GABRG3: variants seen among roughly 807,000 people sequenced by gnomAD.
The protein encoded by GABRG3 is gamma-aminobutyric acid type A receptor subunit gamma3, also known as gamma-aminobutyric acid receptor subunit gamma-3.
Under a neutral mutation model 48.8 loss-of-function variants are expected in GABRG3, and 25 were observed. That is an observed-to-expected ratio of 0.51 (90% confidence interval 0.37 to 0.72). The LOEUF is 0.72. GABRG3 is among the 30% of genes least tolerant of loss of function. GABRG3 has a pLI of 0.00. For synonymous variants in GABRG3, 227 were observed against 217.6 expected (o/e 1.04, Z -0.38); for missense variants, 394 against 577.9 (o/e 0.68, Z 3.26).
intron 1 of GABRG3, among the ~76,000 whole-genome samples, chr15:26,972,664 A>G (rs1894868847): frequency 6.6e-6 from 1 of 152,182 alleles, no homozygotes; most frequent in African/African-American, 2.4e-5. Context: ...ATCAGGAGGC[A>G]ATGCCAGGAG....
intron 2 of GABRG3, among the ~76,000 whole-genome samples, chr15:27,011,123 T>C (rs1895678129): frequency 6.6e-6 from 1 of 152,138 alleles, no homozygotes; most frequent in South Asian, 2.1e-4. Context: ...CGCCTCGGCC[T>C]CCCAAAGTGC....
chr15:27,428,369 A>G (rs1238093507), intron 5 of GABRG3: 1 of 152,144 alleles, frequency 6.6e-6, no homozygotes, highest in Non-Finnish European at 1.5e-5. Context: ...TTCACACCAG[A>G]GATATATCGC....
chr15:27,356,943 G>A (rs1894861201), intron 5 of GABRG3, among the ~76,000 whole-genome samples: 1 of 152,106 alleles, frequency 6.6e-6, no homozygotes, highest in Non-Finnish European at 1.5e-5. Context: ...TCTAGGTGAT[G>A]TTCATTCTAT....
At chr15:27,020,047 C>T (rs940583431) in intron 2 of GABRG3, among the ~76,000 whole-genome samples, 5 of 152,162 alleles carry the variant, frequency 3.3e-5, no homozygotes, top group African/African-American at 1.2e-4. Context: ...CTATTTACTG[C>T]GTTAACAGCC....
intron 2 of GABRG3, among the ~76,000 whole-genome samples, chr15:26,998,995 T>C (rs1177186940): frequency 6.6e-6 from 1 of 152,152 alleles, no homozygotes; most frequent in Non-Finnish European, 1.5e-5. Flanking sequence ...ATTTTGCCAT[T>C]CTGGAATTCC....
At chr15:27,164,868 G>A in intron 3 of GABRG3, among the ~76,000 whole-genome samples, 1 of 152,186 alleles carries the variant, frequency 6.6e-6, no homozygotes, top group East Asian at 1.9e-4. Flanking sequence ...TACAAAATAA[G>A]GAAGTGATAT....
chr15:27,537,932 C>A lies in GABRG3; in HGVS notation c.*5051C>A, dbSNP rs540544571. 1 of 151,890 alleles carries A rather than the reference C, an allele frequency of 6.6e-6. No individual in the cohort carries two copies. 9.4% of individuals were successfully genotyped at this position (151,890 alleles called of 1,614,324 possible). ...TCGGCTCACTGCAACCTCCACCTCC[C>A]GGGTTCAAGCAATTCTCTTGCCTCA... On this transcript the variant is annotated 3_prime_UTR_variant, in exon 10 of 10. Coordinates refer to ENST00000615808, the MANE Select transcript of GABRG3 (RefSeq NM_033223.5).
intron 5 of GABRG3, among the ~76,000 whole-genome samples, chr15:27,415,435 C>T (rs576905649): frequency 9.9e-5 from 15 of 152,118 alleles, no homozygotes; most frequent in South Asian, 6.2e-4. Context: ...TCTGTTCTTG[C>T]GTGTTGTCTA....
chr15:27,221,180 G>C (rs1889442501), intron 3 of GABRG3, among the ~76,000 whole-genome samples: 1 of 152,106 alleles, frequency 6.6e-6, no homozygotes, highest in Non-Finnish European at 1.5e-5. Flanking sequence ...AGATCGACCT[G>C]TTCAGAGAGA....
intron 5 of GABRG3, chr15:27,364,425 C>G (rs889575607): frequency 3.9e-5 from 6 of 152,482 alleles, no homozygotes; most frequent in Admixed American, 2.6e-4. Flanking sequence ...ACAAGTGGTT[C>G]AATCACAGGA....
At chr15:27,354,675 G>A (rs925570536) in intron 5 of GABRG3, among the ~76,000 whole-genome samples, 1 of 152,202 alleles carries the variant, frequency 6.6e-6, no homozygotes, top group African/African-American at 2.4e-5. Flanking sequence ...CACAACCAGA[G>A]AGACTACTGT....
chr15:26,997,078 CTTCTGCCAGCT>C (rs1320749165), intron 2 of GABRG3, among the ~76,000 whole-genome samples: 1 of 152,150 alleles, frequency 6.6e-6, no homozygotes, highest in Non-Finnish European at 1.5e-5. Flanking sequence ...ATGATCCTTT[CTTCTGCCAGCT>C]CAAATCTACT....
intron 3 of GABRG3, among the ~76,000 whole-genome samples, chr15:27,078,549 A>C (rs1896945084): frequency 6.6e-6 from 1 of 152,186 alleles, no homozygotes; most frequent in Non-Finnish European, 1.5e-5. Context: ...GCAGTAGAGA[A>C]ATGGAAACAT....
At chr15:27,052,789 T>C (rs1007054654) in intron 3 of GABRG3, among the ~76,000 whole-genome samples, 15 of 152,084 alleles carry the variant, frequency 9.9e-5, no homozygotes, top group Admixed American at 9.8e-4. Flanking sequence ...TTAACCAAAA[T>C]AGCATGGTAC....
intron 6 of GABRG3, among the ~76,000 whole-genome samples, chr15:27,489,585 G>T (rs1047465356): frequency 6.6e-6 from 1 of 152,030 alleles, no homozygotes; most frequent in South Asian, 2.1e-4. Context: ...GACATGAGAG[G>T]GTATCTCATT....
intron 3 of GABRG3, among the ~76,000 whole-genome samples, chr15:27,231,858 A>C (rs1889810847): frequency 1.3e-5 from 2 of 152,150 alleles, no homozygotes; most frequent in Non-Finnish European, 1.5e-5. Flanking sequence ...AAACATATTA[A>C]ATTTTTTTAA....
intron 5 of GABRG3, among the ~76,000 whole-genome samples, chr15:27,433,719 A>G (rs12595777): frequency 0.1 from 15,720 of 152,182 alleles, 1,150 homozygotes; most frequent in East Asian, 0.33. Context: ...CAATTGCTCT[A>G]TCGCTATGGA....
chr15:27,014,191 T>A (rs1389501899), intron 2 of GABRG3, among the ~76,000 whole-genome samples: 1 of 152,048 alleles, frequency 6.6e-6, no homozygotes, highest in Non-Finnish European at 1.5e-5. Flanking sequence ...TCTTCTCTCA[T>A]TTTTTTCTTA....
At chr15:27,356,031 T>C (rs1027644402) in intron 5 of GABRG3, among the ~76,000 whole-genome samples, 2 of 152,158 alleles carry the variant, frequency 1.3e-5, no homozygotes, top group African/African-American at 2.4e-5. Flanking sequence ...GGTCTGGAAT[T>C]AGATTGTTAC....
Sources: gnomAD v4.1 joint callset for allele counts (sites outside exome capture counted in the v4.1 genomes callset) on GRCh38, gnomAD v4.1.1 for gene constraint, MANE v1.5 for transcripts, NCBI Gene and HGNC (gene_info 2026-07-23, HGNC 2026-07-21) for gene names.